Variants in NFASC observed in about 807,000 individuals in gnomAD.
The protein encoded by NFASC is neurofascin homolog.
NFASC carries 43 observed loss-of-function variants against 147.5 expected under a neutral mutation model. That is an observed-to-expected ratio of 0.29 (90% CI 0.23 to 0.38). NFASC has a LOEUF of 0.38. Ranked by LOEUF, NFASC falls within the 10% of genes least tolerant of loss-of-function variation. The pLI is 1.00. For synonymous variants in NFASC, 622 were observed against 665.5 expected (o/e 0.93, Z 1.01); for missense variants, 1,320 against 1,689.0 (o/e 0.78, Z 3.83).
intron 1 of NFASC, among the ~76,000 whole-genome samples, chr1:204,878,974 C>G (rs1485213550): frequency 6.6e-6 from 1 of 152,150 alleles, no homozygotes; most frequent in Non-Finnish European, 1.5e-5. Context: ...CAATTTCTTC[C>G]TACAGTTTGA....
intron 1 of NFASC, among the ~76,000 whole-genome samples, chr1:204,842,395 A>G (rs1182542707): frequency 6.6e-6 from 1 of 152,114 alleles, no homozygotes; most frequent in Non-Finnish European, 1.5e-5. Flanking sequence ...TATTGCTTCA[A>G]TTTGTTCTCT....
chr1:204,906,783 T>A lies in NFASC; in HGVS notation c.-199-13849T>A, dbSNP rs572676486. 1.1e-4 allele frequency among the ~76,000 whole-genome samples: 15 copies of A among 141,912 alleles called. 1 individual carries two copies. Among genetic ancestry groups the A allele is most frequent in the Admixed American group, 2.1e-4 (3 of 14,314 alleles). 93.1% of individuals were successfully genotyped at this position (141,912 alleles called of 152,430 possible). ...CTGCAAGCTCCGCCTCCCGGGCTCA[T>A]GCCATTCTCCTGCCTCAGCCTCCCC... is the stretch of plus-strand genomic sequence containing the variant. On this transcript the variant is annotated intron_variant, in intron 1 of 29. Coordinates refer to ENST00000339876, the MANE Select transcript of NFASC (RefSeq NM_001005388.3).
chr1:204,828,820 A>G, intron 1 of NFASC, 38 bp downstream of exon 1: 2 of 985,204 alleles, frequency 2.0e-6, no homozygotes, highest in Non-Finnish European at 2.4e-6. Context: ...GGGGGTAGAG[A>G]GTCATGGAAA....
Position 205,016,789 on chromosome 1 carries a change from G to A in NFASC, c.*250G>A, listed in dbSNP as rs183012208. 22 of 569,874 alleles carry A rather than the reference G, an allele frequency of 3.9e-5. No homozygotes were observed. In the East Asian group the frequency reaches 6.2e-4, roughly 16 times the overall value. The allele number at this position is 569,874 out of a possible 1,614,324, so 35.3% of individuals were successfully genotyped here. ...CCGTGGCTGAGCTCAGCTGGAGGGAGCCTGGCCCCTTGCCCGGTCTCGCAG... is the reference window on the plus strand; with the variant it reads ...CCGTGGCTGAGCTCAGCTGGAGGGAACCTGGCCCCTTGCCCGGTCTCGCAG... On this transcript the variant is annotated 3_prime_UTR_variant, in exon 30 of 30. Transcript: ENST00000339876. This position sits in a 1 kb window ranked among gnomAD's most constrained non-coding sequence, Gnocchi z 5.1.
chr1:204,978,132 C>G (rs773969826), intron 17 of NFASC, among the ~76,000 whole-genome samples: 100 of 152,208 alleles, frequency 6.6e-4, no homozygotes, highest in Non-Finnish European at 1.3e-3. Context: ...AATCTACACA[C>G]ACATGCCACA....
At chr1:204,885,319 C>G (rs2081107748) in intron 1 of NFASC, among the ~76,000 whole-genome samples, 1 of 152,142 alleles carries the variant, frequency 6.6e-6, no homozygotes. Context: ...AGCCGTGGGC[C>G]AGCAGAAGTC....
Position 204,986,062 on chromosome 1 carries a change from G to A in NFASC, c.2471-1356G>A. Reference sequence around the variant, plus strand: ...AGCTGGAGATGGTTGTGGTCAATGGGAGAGGTGATGGGCCTCGCAGTGAGA... The same window carrying A: ...AGCTGGAGATGGTTGTGGTCAATGGAAGAGGTGATGGGCCTCGCAGTGAGA... On this transcript the variant is annotated intron_variant, in intron 21 of 29. Transcript: ENST00000339876. This position sits in a 1 kb window ranked among gnomAD's most constrained non-coding sequence, Gnocchi z 4.2. 1 of 1,614,204 alleles carries A rather than the reference G, an allele frequency of 6.2e-7. No individual in the cohort carries two copies. Among genetic ancestry groups the A allele is most frequent in the Non-Finnish European group, 8.5e-7 (1 of 1,180,036 alleles).
At chr1:204,972,648 C>G (rs1162022903) in intron 11 of NFASC, among the ~76,000 whole-genome samples, 1 of 151,952 alleles carries the variant, frequency 6.6e-6, no homozygotes, top group Non-Finnish European at 1.5e-5. Context: ...ATGACTCATT[C>G]CATTTTCAAG....
intron 1 of NFASC, among the ~76,000 whole-genome samples, chr1:204,839,449 C>T (rs16854508): frequency 0.23 from 35,185 of 151,068 alleles, 6,421 homozygotes; most frequent in East Asian, 0.73. Flanking sequence ...AAGGCGGTAG[C>T]GGGGATCCAG....
At chr1:205,009,954 C>T (rs2096220805) in intron 28 of NFASC, 1 of 485,160 alleles carries the variant, frequency 2.1e-6, no homozygotes, top group African/African-American at 1.9e-5. Context: ...TTAAGAATGA[C>T]CTTTCCTCCC....
At chr1:205,012,765 T>A in intron 28 of NFASC, 32 bp from the exon 29 acceptor site, 1 of 1,532,088 alleles carries the variant, frequency 6.5e-7, no homozygotes, top group Non-Finnish European at 9.0e-7. Flanking sequence ...TTAATCGTCG[T>A]GTCTGTGTCT....
chr1:204,930,341 A>T (rs2092257010), intron 2 of NFASC, among the ~76,000 whole-genome samples: 1 of 152,028 alleles, frequency 6.6e-6, no homozygotes, highest in Non-Finnish European at 1.5e-5. Context: ...TGCTGGTTAG[A>T]TGTTATTGTT....
rs2095643731 is a variant in NFASC at position 204,987,665 on chromosome 1, G to A, written c.2593+125G>A. 24 of 1,110,260 alleles carry A rather than the reference G, an allele frequency of 2.2e-5. No homozygotes were observed. Among genetic ancestry groups the A allele is most frequent in the Non-Finnish European group, 3.0e-5 (23 of 757,430 alleles). 68.8% of individuals were successfully genotyped at this position (1,110,260 alleles called of 1,614,324 possible). A position where few individuals can be genotyped will look rare whatever the true frequency, so the allele number is the denominator to read the frequency against. Reference sequence around the variant, plus strand: ...AGATGGCATTGTGGAGGGATGGAGGGGCCAACGAAACAGTTCCCAATAGGA... The same window carrying A: ...AGATGGCATTGTGGAGGGATGGAGGAGCCAACGAAACAGTTCCCAATAGGA... On this transcript the variant is annotated intron_variant, in intron 22 of 29. Coordinates refer to ENST00000339876, the MANE Select transcript of NFASC (RefSeq NM_001005388.3). This position sits in a 1 kb window ranked among gnomAD's most constrained non-coding sequence, Gnocchi z 4.4.
At chr1:204,902,204 A>G (rs572638561) in intron 1 of NFASC, among the ~76,000 whole-genome samples, 2 of 152,290 alleles carry the variant, frequency 1.3e-5, no homozygotes, top group African/African-American at 2.4e-5. Context: ...CTGAGGTGGG[A>G]GGATTGCTTG....
chr1:204,919,437 G>A (rs908474891), intron 1 of NFASC, among the ~76,000 whole-genome samples: 1 of 151,936 alleles, frequency 6.6e-6, no homozygotes, highest in Non-Finnish European at 1.5e-5. Flanking sequence ...TAAATAAATG[G>A]TAGCATATTA....
chr1:204,842,112 T>C (rs1301387068), intron 1 of NFASC, among the ~76,000 whole-genome samples: 1 of 152,164 alleles, frequency 6.6e-6, no homozygotes, highest in Admixed American at 6.5e-5. Context: ...GAGAACAATA[T>C]ATAGCTTACC....
At chr1:204,910,833 T>TA (rs397789416) in intron 1 of NFASC, among the ~76,000 whole-genome samples, 3 of 151,982 alleles carry the variant, frequency 2.0e-5, no homozygotes, top group Non-Finnish European at 2.9e-5. Context: ...GATTTTTTTT[T>TA]AAATCAATTC....
At chr1:204,857,919 C>CTTTTTTT (rs58996261) in intron 1 of NFASC, among the ~76,000 whole-genome samples, 3 of 122,560 alleles carry the variant, frequency 2.4e-5, no homozygotes, top group African/African-American at 9.8e-5. Context: ...TCTTCTTCTT[C>CTTTTTTT]TTTTTTTTTT....
At position 204,969,113 on chromosome 1, in the gene NFASC, G is replaced by A. The variant is rs539912420; in HGVS notation, c.1003+131G>A. ...CAGCCCACTGCTCAGTGGCAATGGCGATCTGCCATGGATGGTGTCACTCGC... is the reference window on the plus strand; with the variant it reads ...CAGCCCACTGCTCAGTGGCAATGGCAATCTGCCATGGATGGTGTCACTCGC... On this transcript the variant is annotated intron_variant, in intron 10 of 29. Coordinates refer to ENST00000339876, the MANE Select transcript of NFASC (RefSeq NM_001005388.3). 74 of 769,336 alleles carry A rather than the reference G, an allele frequency of 9.6e-5. 1 individual carries two copies. The South Asian group carries it at 1.2e-3, about 13-fold the overall frequency. The allele number at this position is 769,336 out of a possible 1,614,324, so 47.7% of individuals were successfully genotyped here.
Sources: allele counts gnomAD v4.1 joint callset (sites outside exome capture counted in the v4.1 genomes callset), GRCh38; gene constraint gnomAD v4.1.1; non-coding constraint Gnocchi (gnomAD v3.1); transcripts MANE v1.5; gene names NCBI Gene and HGNC (gene_info 2026-07-23, HGNC 2026-07-21).